Variants in CADM1 observed in about 807,000 individuals in gnomAD.
CADM1 encodes TSLC-1.
A neutral mutation model predicts 53.1 loss-of-function variants in CADM1; 15 were observed. The ratio of observed to expected loss-of-function variants is 0.28; its 90% CI spans 0.19 to 0.44. The LOEUF is 0.44. CADM1 is among the 20% of genes least tolerant of loss of function. The pLI, the probability that CADM1 is intolerant of heterozygous loss-of-function variation, is 1.00. For missense variants in CADM1, 434 were observed against 611.3 expected (o/e 0.71, Z 3.06); for synonymous variants, 281 against 243.0 (o/e 1.16, Z -1.45).
chr11:115,216,976 G>A (rs1941214301), intron 6 of CADM1, among the ~76,000 whole-genome samples: 1 of 152,092 alleles, frequency 6.6e-6, no homozygotes, highest in Non-Finnish European at 1.5e-5. Flanking sequence ...CATACTACGG[G>A]GACAGCAAAG....
chr11:115,391,046 T>C (rs1412284046), intron 1 of CADM1, among the ~76,000 whole-genome samples: 4 of 152,214 alleles, frequency 2.6e-5, no homozygotes, highest in Admixed American at 2.0e-4. Context: ...ATGCACAGAA[T>C]AGTCATGCAA....
chr11:115,261,029 A>G (rs916630755), intron 1 of CADM1, among the ~76,000 whole-genome samples: 3 of 152,062 alleles, frequency 2.0e-5, no homozygotes, highest in Admixed American at 1.3e-4. Context: ...GGAATTTGCA[A>G]TGTAGAGTCT....
At chr11:115,195,213 T>C (rs1020989775) in intron 9 of CADM1, among the ~76,000 whole-genome samples, 24 of 152,234 alleles carry the variant, frequency 1.6e-4, no homozygotes, top group Non-Finnish European at 3.1e-4. Context: ...GCTTTCTTTT[T>C]GGAGAAAATC....
intron 1 of CADM1, among the ~76,000 whole-genome samples, chr11:115,389,620 A>T (rs959871695): frequency 5.3e-5 from 8 of 152,224 alleles, no homozygotes; most frequent in Non-Finnish European, 1.0e-4. Context: ...TGCAAACAAC[A>T]GGACTAAAGA....
At chr11:115,359,854 T>C (rs765149323) in intron 1 of CADM1, among the ~76,000 whole-genome samples, 1 of 152,208 alleles carries the variant, frequency 6.6e-6, no homozygotes, top group Admixed American at 6.5e-5. Flanking sequence ...ACGAAAATAA[T>C]AAGGCATGTG....
At chr11:115,192,640 A>G (rs1370083003) in intron 9 of CADM1, among the ~76,000 whole-genome samples, 1 of 152,246 alleles carries the variant, frequency 6.6e-6, no homozygotes, top group Non-Finnish European at 1.5e-5. Context: ...AAAGCGTCCT[A>G]CATATGTGCT....
chr11:115,350,385 A>C (rs1283632814), intron 1 of CADM1, among the ~76,000 whole-genome samples: 1 of 152,172 alleles, frequency 6.6e-6, no homozygotes. Flanking sequence ...GTGGATATTA[A>C]AGGGAAGGAG....
At chr11:115,280,236 C>A (rs1943551704) in intron 1 of CADM1, among the ~76,000 whole-genome samples, 1 of 152,168 alleles carries the variant, frequency 6.6e-6, no homozygotes, top group Non-Finnish European at 1.5e-5. Flanking sequence ...AATATACCAT[C>A]TTTTCTTTGA....
At chr11:115,394,375 C>T (rs1248385562) in intron 1 of CADM1, among the ~76,000 whole-genome samples, 1 of 152,078 alleles carries the variant, frequency 6.6e-6, no homozygotes, top group East Asian at 1.9e-4. Context: ...TGCTTGGATA[C>T]CAACACTTTC....
chr11:115,337,584 C>T (rs554061510), intron 1 of CADM1, among the ~76,000 whole-genome samples: 1 of 152,206 alleles, frequency 6.6e-6, no homozygotes, highest in East Asian at 1.9e-4. Context: ...TGGCTCTTTA[C>T]TAATGTTTTT....
Position 115,414,520 on chromosome 11 carries a change from A to G in CADM1, c.124+89751T>C, listed in dbSNP as rs1364657496. ...GTGCAACTCTTAAAAAAAAATAATA[A>G]ATAATAAATTTGTAAATCTCATCAA... On this transcript the variant is annotated intron_variant, in intron 1 of 11. Transcript: ENST00000331581. Among the ~76,000 whole-genome samples the G allele has an allele frequency of 3.3e-5, 5 of 152,164 alleles. No homozygotes were observed. In the East Asian group the frequency reaches 7.7e-4, roughly 23 times the overall value.
At position 115,209,584 on chromosome 11, in the gene CADM1, G is replaced by A; in HGVS notation, c.1068C>T (p.Thr356=). The A allele has an allele frequency of 6.2e-7, 1 of 1,609,502 alleles. No individual in the cohort carries two copies. The highest frequency in any genetic ancestry group is 1.1e-5 in the South Asian group (1 of 90,976). ...TTTTTTTTIL[T]IITDTTATTE... is the part of the protein sequence containing the mutation. ...ATGAAGATACCATACCTGTGATGAT[G>A]GTAAGGATGGTGGTGGTGGTGGTGG... is the stretch of plus-strand genomic sequence containing the variant. Residue 356 remains threonine (T), a synonymous_variant, in exon 8 of 12, where the codon ACC becomes ACT. Coordinates refer to ENST00000331581, the MANE Select transcript of CADM1 (RefSeq NM_001301043.2).
At chr11:115,445,740 AG>A (rs1334090308) in intron 1 of CADM1, 2 of 450,338 alleles carry the variant, frequency 4.4e-6, no homozygotes. Flanking sequence ...GCTACTTGAG[AG>A]GCTGAGGTAG....
chr11:115,349,852 G>A (rs1165776218), intron 1 of CADM1, among the ~76,000 whole-genome samples: 1 of 152,188 alleles, frequency 6.6e-6, no homozygotes, highest in Admixed American at 6.5e-5. Flanking sequence ...GAGTATACAT[G>A]TCTATGGAAC....
At chr11:115,449,546 C>T (rs1282584816) in intron 1 of CADM1, among the ~76,000 whole-genome samples, 1 of 152,146 alleles carries the variant, frequency 6.6e-6, no homozygotes, top group Non-Finnish European at 1.5e-5. Context: ...AGAAGCAGCT[C>T]CAGCCTAACA....
chr11:115,454,699 C>T (rs1469780586), intron 1 of CADM1, among the ~76,000 whole-genome samples: 1 of 152,142 alleles, frequency 6.6e-6, no homozygotes, highest in Non-Finnish European at 1.5e-5. Context: ...CAGGATTCTC[C>T]CATCCATGGG....
intron 1 of CADM1, among the ~76,000 whole-genome samples, chr11:115,448,146 A>G (rs1207856651): frequency 6.6e-6 from 1 of 152,160 alleles, no homozygotes; most frequent in African/African-American, 2.4e-5. Flanking sequence ...CATAAACAGC[A>G]CATATCATAA....
intron 10 of CADM1, among the ~76,000 whole-genome samples, chr11:115,190,000 G>A (rs1222353367): frequency 6.6e-6 from 1 of 152,142 alleles, no homozygotes; most frequent in Non-Finnish European, 1.5e-5. Context: ...CACCTCAATA[G>A]CCAACTATTA....
At chr11:115,462,821 T>A (rs1216289016) in intron 1 of CADM1, among the ~76,000 whole-genome samples, 1 of 152,130 alleles carries the variant, frequency 6.6e-6, no homozygotes. Context: ...GCAGTCTATA[T>A]GGCTAGCACC....
Sources: gnomAD v4.1 joint callset for allele counts (sites outside exome capture counted in the v4.1 genomes callset) on GRCh38, gnomAD v4.1.1 for gene constraint, MANE v1.5 for transcripts, NCBI Gene and HGNC (gene_info 2026-07-23, HGNC 2026-07-21) for gene names.